MYT1L: variants seen among roughly 807,000 people sequenced by gnomAD.
MYT1L encodes myelin transcription factor 1 like, also known as myelin transcription factor 1-like protein.
In MYT1L, 12 loss-of-function variants were observed where a neutral mutation model predicts 126.7. The ratio of observed to expected loss-of-function variants is 0.09; its 90% confidence interval spans 0.06 to 0.15. The LOEUF (loss-of-function observed/expected upper bound fraction) is 0.15. Ranked by LOEUF, MYT1L falls within the 10% of genes least tolerant of loss-of-function variation. The probability of loss-of-function intolerance (pLI) is 1.00; values close to 1 mark genes in which losing one functional copy is unlikely to be tolerated. For missense variants in MYT1L, 979 were observed against 1,585.2 expected (o/e 0.62, Z 6.49); for synonymous variants, 541 against 604.2 (o/e 0.90, Z 1.53).
intron 9 of MYT1L, among the ~76,000 whole-genome samples, chr2:1,940,432 A>G (rs2056515283): frequency 6.7e-6 from 1 of 150,064 alleles, no homozygotes; most frequent in Admixed American, 6.6e-5. Flanking sequence ...CACTGCTAGC[A>G]GGTAGGTTAT....
chr2:1,916,778 G>T (rs1170265641), intron 11 of MYT1L, among the ~76,000 whole-genome samples: 1 of 152,194 alleles, frequency 6.6e-6, no homozygotes, highest in Admixed American at 6.5e-5. Flanking sequence ...ATGATGTACA[G>T]AAATCCAGAT....
chr2:2,291,915 G>A (rs1461732443), intron 1 of MYT1L, among the ~76,000 whole-genome samples: 2 of 152,232 alleles, frequency 1.3e-5, no homozygotes, highest in South Asian at 2.1e-4. Context: ...CTCACGAGAC[G>A]TCAGAGTGCG....
chr2:2,109,183 T>C (rs1465857689), intron 3 of MYT1L, among the ~76,000 whole-genome samples: 1 of 152,238 alleles, frequency 6.6e-6, no homozygotes, highest in Non-Finnish European at 1.5e-5. Flanking sequence ...TAAAGATTTT[T>C]CCTCAATACC....
intron 2 of MYT1L, among the ~76,000 whole-genome samples, chr2:2,221,391 G>C (rs1348419370): frequency 1.3e-5 from 2 of 152,156 alleles, no homozygotes; most frequent in South Asian, 2.1e-4. Flanking sequence ...TCCTGGTGGA[G>C]GTGAAGTCTG....
chr2:1,796,887 G>A (rs1008684474), intron 23 of MYT1L, among the ~76,000 whole-genome samples: 16 of 152,148 alleles, frequency 1.1e-4, no homozygotes, highest in African/African-American at 3.9e-4. Flanking sequence ...TGCCCAGGCC[G>A]TGCCCTGCAC....
intron 8 of MYT1L, among the ~76,000 whole-genome samples, chr2:1,955,907 C>T (rs770966362): frequency 6.6e-6 from 1 of 152,138 alleles, no homozygotes; most frequent in South Asian, 2.1e-4. Context: ...TGCATGCTGC[C>T]CCACTCTAAA....
intron 8 of MYT1L, among the ~76,000 whole-genome samples, chr2:1,957,216 T>C (rs1227567619): frequency 1.3e-5 from 2 of 152,244 alleles, no homozygotes; most frequent in Non-Finnish European, 2.9e-5. Context: ...CTATCATCTA[T>C]GCACCTGTCA....
intron 19 of MYT1L, among the ~76,000 whole-genome samples, chr2:1,843,997 A>C (rs2042176412): frequency 6.6e-6 from 1 of 152,196 alleles, no homozygotes; most frequent in Non-Finnish European, 1.5e-5. Flanking sequence ...CTCTCATCTG[A>C]AAGCCATGTC....
At chr2:1,966,671 T>C (rs1170303672) in intron 8 of MYT1L, among the ~76,000 whole-genome samples, 1 of 152,010 alleles carries the variant, frequency 6.6e-6, no homozygotes, top group Non-Finnish European at 1.5e-5. Flanking sequence ...AATAAAAGAA[T>C]TGCATAAATA....
chr2:1,994,417 T>C (rs1226984635), intron 5 of MYT1L, among the ~76,000 whole-genome samples: 2 of 151,822 alleles, frequency 1.3e-5, no homozygotes, highest in African/African-American at 4.8e-5. Context: ...GGCTCAGCCC[T>C]GGTTCACGCC....
chr2:2,192,795 A>G (rs2092653149), intron 2 of MYT1L, among the ~76,000 whole-genome samples: 2 of 152,096 alleles, frequency 1.3e-5, no homozygotes, highest in Non-Finnish European at 2.9e-5. Flanking sequence ...GGGATTCACC[A>G]CAGAATGGCC....
chr2:2,027,419 G>A (rs184314828), intron 4 of MYT1L, among the ~76,000 whole-genome samples: 89 of 152,292 alleles, frequency 5.8e-4, no homozygotes, highest in Admixed American at 1.0e-3. Context: ...AGGGAGATTC[G>A]GTTGGCGAAA....
In MYT1L at chr2:1,912,234, GA is replaced by G. The variant is rs1271051350; in HGVS notation, c.1619-125del. 1 of 568,606 alleles carries G rather than the reference GA, an allele frequency of 1.8e-6. No individual in the cohort carries two copies. The highest frequency in any genetic ancestry group is 3.0e-6 in the Non-Finnish European group (1 of 333,822). The allele number at this position is 568,606 out of a possible 1,614,324, so 35.2% of individuals were successfully genotyped here. ...GATAGACAGTCCTACAAACGTTTGTGATGGGCATGGCCAGGAAAACACACAT... is the reference window on the plus strand; with the variant it reads ...GATAGACAGTCCTACAAACGTTTGTGTGGGCATGGCCAGGAAAACACACAT... On this transcript the variant is annotated intron_variant, in intron 11 of 24. Coordinates refer to ENST00000647738, the MANE Select transcript of MYT1L (RefSeq NM_001303052.2). This position sits in a 1 kb window ranked among gnomAD's most constrained non-coding sequence, Gnocchi z 4.3.
Position 1,943,099 on chromosome 2 carries a change from C to T in MYT1L, c.388G>A (p.Glu130Lys). 1 of 1,468,872 alleles carries T rather than the reference C, an allele frequency of 6.8e-7. No individual in the cohort carries two copies. Among genetic ancestry groups the T allele is most frequent in the Non-Finnish European group, 9.3e-7 (1 of 1,071,262 alleles). 91.0% of individuals were successfully genotyped at this position (1,468,872 alleles called of 1,614,324 possible). ...TCCTCCTCGATCTCCTCCTCCTCCT[C>T]CCGGTCCCCCTCCTCGTCCTCCTCG... The part of the protein sequence containing the change: ...EDEEDEEGDR[E>K]EEEEIEEEDE... The change falls in exon 9 of 25, where the codon GAG becomes AAG. Residue 130 changes from glutamate to lysine, a missense_variant. Coordinates refer to ENST00000647738, the MANE Select transcript of MYT1L (RefSeq NM_001303052.2). The surrounding 1 kb of genome is among the most constrained non-coding windows in gnomAD (Gnocchi z 4.4).
intron 3 of MYT1L, among the ~76,000 whole-genome samples, chr2:2,084,938 C>T (rs1471491480): frequency 6.6e-6 from 1 of 152,158 alleles, no homozygotes; most frequent in Admixed American, 6.5e-5. Context: ...TGTGACAAAG[C>T]CCATCAGAGG....
chr2:2,246,195 G>A (rs2094531818), intron 2 of MYT1L, among the ~76,000 whole-genome samples: 1 of 152,154 alleles, frequency 6.6e-6, no homozygotes, highest in Non-Finnish European at 1.5e-5. Context: ...AGAGCTAGCA[G>A]AGAGGTGACA....
chr2:1,928,253 A>G (rs1410765471), intron 9 of MYT1L, among the ~76,000 whole-genome samples: 1 of 152,212 alleles, frequency 6.6e-6, no homozygotes, highest in Non-Finnish European at 1.5e-5. Flanking sequence ...AATGTTTCAT[A>G]TACCACATTT....
intron 4 of MYT1L, among the ~76,000 whole-genome samples, chr2:2,005,784 GTGCGTTCTTTCCTGTGTGCCTTTCCTGCA>G (rs2063239953): frequency 8.8e-6 from 1 of 113,100 alleles, no homozygotes; most frequent in Non-Finnish European, 1.7e-5. Flanking sequence ...TCTTTCCTGT[GTGCGTTCTTTCCTGTGTGCCTTTCCTGCA>G]TGCGTTCTTT....
At chr2:2,319,024 T>C (rs969836608) in intron 1 of MYT1L, among the ~76,000 whole-genome samples, 3 of 152,224 alleles carry the variant, frequency 2.0e-5, no homozygotes, top group Admixed American at 2.0e-4. Flanking sequence ...ATTGGAATTG[T>C]CTGAAATACA....
Sources: allele counts gnomAD v4.1 joint callset (sites outside exome capture counted in the v4.1 genomes callset), GRCh38; gene constraint gnomAD v4.1.1; non-coding constraint Gnocchi (gnomAD v3.1); transcripts MANE v1.5; gene names NCBI Gene and HGNC (gene_info 2026-07-23, HGNC 2026-07-21).